Variants in CACNA2D3 observed in about 807,000 individuals in gnomAD.
CACNA2D3 encodes voltage-dependent calcium channel subunit alpha-2/delta-3.
CACNA2D3 carries 60 observed loss-of-function variants against 160.6 expected under a neutral mutation model. That is an observed-to-expected ratio of 0.37 (90% CI 0.30 to 0.46). CACNA2D3 has a LOEUF of 0.46. Ranked by LOEUF, CACNA2D3 falls within the 20% of genes least tolerant of loss-of-function variation. The pLI is 1.00. For missense variants in CACNA2D3, 1,205 were observed against 1,365.0 expected, an observed-to-expected ratio of 0.88 and a Z score of 1.85; for synonymous variants, 558 against 492.9, an observed-to-expected ratio of 1.13 and a Z score of -1.75.
intron 11 of CACNA2D3, among the ~76,000 whole-genome samples, chr3:54,708,059 T>G (rs1030497567): frequency 1.1e-4 from 16 of 152,220 alleles, no homozygotes; most frequent in African/African-American, 3.6e-4. Flanking sequence ...GGTTATGGTC[T>G]GGCAAGGTAA....
At chr3:54,239,615 A>G (rs1464391366) in intron 2 of CACNA2D3, among the ~76,000 whole-genome samples, 1 of 152,234 alleles carries the variant, frequency 6.6e-6, no homozygotes, top group Non-Finnish European at 1.5e-5. Flanking sequence ...TTCAGGAAGA[A>G]CAAATGTAGT....
At chr3:54,202,541 A>G (rs555933270) in intron 2 of CACNA2D3, among the ~76,000 whole-genome samples, 9 of 152,332 alleles carry the variant, frequency 5.9e-5, no homozygotes, top group Non-Finnish European at 1.0e-4. Context: ...ATGTCATTTT[A>G]GGGAGAGGAG....
chr3:54,411,108 A>G (rs898347818), intron 4 of CACNA2D3, among the ~76,000 whole-genome samples: 4 of 152,236 alleles, frequency 2.6e-5, no homozygotes, highest in African/African-American at 7.2e-5. Flanking sequence ...CAATCTCATG[A>G]TAAAAGTTTA....
At chr3:54,545,152 C>T (rs1702041726) in intron 5 of CACNA2D3, among the ~76,000 whole-genome samples, 2 of 152,136 alleles carry the variant, frequency 1.3e-5, no homozygotes, top group Admixed American at 1.3e-4. Flanking sequence ...AGTTTTAGCA[C>T]CTATATTGCT....
intron 35 of CACNA2D3, among the ~76,000 whole-genome samples, chr3:55,029,782 G>T (rs1032246735): frequency 6.6e-6 from 1 of 152,184 alleles, no homozygotes; most frequent in Non-Finnish European, 1.5e-5. Flanking sequence ...AATATAATTT[G>T]TAGGTGTTAA....
chr3:54,340,565 A>G (rs147264213), intron 3 of CACNA2D3, among the ~76,000 whole-genome samples: 2 of 152,366 alleles, frequency 1.3e-5, no homozygotes, highest in East Asian at 1.9e-4. Flanking sequence ...AGAAAGGTTC[A>G]TGGTGCTGTC....
chr3:54,456,686 A>G lies in CACNA2D3; in HGVS notation c.382-46806A>G, dbSNP rs182300917. ...TGGAAATAATTTGAGAAGAATTGGC[A>G]TTAGTTTTTCTTTAAAAGTTGAGCA... On this transcript the variant is annotated intron_variant, in intron 4 of 37. Transcript: ENST00000474759. Among the ~76,000 whole-genome samples, 9 of 152,060 alleles carry G rather than the reference A, an allele frequency of 5.9e-5. No individual in the cohort carries two copies. The East Asian group carries it at 1.4e-3, about 23-fold the overall frequency.
At chr3:54,813,673 C>T (rs1442843221) in intron 13 of CACNA2D3, among the ~76,000 whole-genome samples, 1 of 151,958 alleles carries the variant, frequency 6.6e-6, no homozygotes, top group Non-Finnish European at 1.5e-5. Context: ...GGTTAGAGGA[C>T]TTCACACGTA....
At chr3:54,834,333 CA>C (rs1184707187) in intron 14 of CACNA2D3, among the ~76,000 whole-genome samples, 1 of 152,194 alleles carries the variant, frequency 6.6e-6, no homozygotes, top group Non-Finnish European at 1.5e-5. Context: ...CAGCTCAAAT[CA>C]GTTTTCTTTA....
chr3:54,257,763 G>A (rs1002039357), intron 2 of CACNA2D3, among the ~76,000 whole-genome samples: 3 of 152,154 alleles, frequency 2.0e-5, no homozygotes, highest in African/African-American at 7.2e-5. Flanking sequence ...TTCCATGGTT[G>A]CAATAGGCTA....
chr3:54,767,686 G>C (rs969289177), intron 13 of CACNA2D3, among the ~76,000 whole-genome samples: 2 of 151,974 alleles, frequency 1.3e-5, no homozygotes, highest in African/African-American at 4.8e-5. Flanking sequence ...TAATAATAAT[G>C]ATGATGACAA....
intron 4 of CACNA2D3, among the ~76,000 whole-genome samples, chr3:54,479,206 G>GT (rs1364288631): frequency 6.6e-6 from 1 of 152,086 alleles, no homozygotes; most frequent in African/African-American, 2.4e-5. Flanking sequence ...TGTGAAGAAG[G>GT]ACATGTTTGC....
At chr3:54,166,995 A>C (rs1325015273) in intron 2 of CACNA2D3, among the ~76,000 whole-genome samples, 2 of 152,084 alleles carry the variant, frequency 1.3e-5, no homozygotes, top group African/African-American at 4.8e-5. Flanking sequence ...TTACGTAAAA[A>C]CGTCTTGTGA....
intron 11 of CACNA2D3, among the ~76,000 whole-genome samples, chr3:54,733,930 A>T (rs2107019795): frequency 6.6e-6 from 1 of 152,234 alleles, no homozygotes; most frequent in East Asian, 1.9e-4. Context: ...CAAAGTACAA[A>T]GAACTCGATT....
At chr3:54,607,746 GA>G (rs928671988) in intron 9 of CACNA2D3, among the ~76,000 whole-genome samples, 6 of 152,140 alleles carry the variant, frequency 3.9e-5, no homozygotes, top group African/African-American at 1.4e-4. Flanking sequence ...CAAAAGGAAT[GA>G]AAAATTATGT....
chr3:54,951,077 C>CA (rs1575401734), intron 27 of CACNA2D3, among the ~76,000 whole-genome samples: 1 of 152,110 alleles, frequency 6.6e-6, no homozygotes, highest in East Asian at 1.9e-4. Context: ...TATATGCTGC[C>CA]AAAAAAATCT....
At chr3:55,025,885 G>A (rs999108282) in intron 35 of CACNA2D3, among the ~76,000 whole-genome samples, 1 of 151,834 alleles carries the variant, frequency 6.6e-6, no homozygotes, top group African/African-American at 2.4e-5. Context: ...TGCAGAAGCA[G>A]AACAATAAAG....
chr3:54,482,988 CTG>C (rs1320863214), intron 4 of CACNA2D3, among the ~76,000 whole-genome samples: 6 of 152,210 alleles, frequency 3.9e-5, no homozygotes, highest in Admixed American at 3.3e-4. Context: ...ATGGAACACT[CTG>C]TGAGCATTAC....
intron 10 of CACNA2D3, among the ~76,000 whole-genome samples, chr3:54,630,906 A>G (rs1356122154): frequency 6.6e-6 from 1 of 152,148 alleles, no homozygotes; most frequent in Non-Finnish European, 1.5e-5. Context: ...GTTTTTTAAA[A>G]AAACACAATG....
Sources: gnomAD v4.1 joint callset for allele counts (sites outside exome capture counted in the v4.1 genomes callset) on GRCh38, gnomAD v4.1.1 for gene constraint, MANE v1.5 for transcripts, NCBI Gene and HGNC (gene_info 2026-07-23, HGNC 2026-07-21) for gene names.